The following NKD1 variants were observed in gnomAD, a reference collection of about 807,000 sequenced individuals.
The protein encoded by NKD1 is protein naked cuticle homolog 1.
NKD1 carries 21 observed loss-of-function variants against 56.0 expected under a neutral mutation model. The ratio of observed to expected loss-of-function variants is 0.38; its 90% CI spans 0.27 to 0.54. The LOEUF (loss-of-function observed/expected upper bound fraction) is 0.54, where lower values mean the gene tolerates loss of function less well. NKD1 is among the 20% of genes least tolerant of loss of function. NKD1 has a pLI of 0.82. For missense variants in NKD1, 578 were observed against 642.7 expected (o/e 0.90, Z 1.09); for synonymous variants, 263 against 265.7 (o/e 0.99, Z 0.10).
chr16:50,566,758 A>G (rs11641391), intron 3 of NKD1, among the ~76,000 whole-genome samples: 16,527 of 152,128 alleles, frequency 0.11, 1,719 homozygotes, highest in African/African-American at 0.27. Flanking sequence ...TCTTGGAAGA[A>G]CCTAGGTGGT....
chr16:50,577,429 A>G (rs564011840), intron 3 of NKD1, among the ~76,000 whole-genome samples: 93 of 152,296 alleles, frequency 6.1e-4, no homozygotes, highest in Non-Finnish European at 1.1e-3. Context: ...AACCATCACT[A>G]CCATCAAGGC....
intron 3 of NKD1, among the ~76,000 whole-genome samples, chr16:50,575,726 A>G (rs1858118021): frequency 6.6e-6 from 1 of 152,248 alleles, no homozygotes; most frequent in African/African-American, 2.4e-5. Context: ...ATGGAGACAT[A>G]TCACATAAAA....
intron 3 of NKD1, among the ~76,000 whole-genome samples, chr16:50,576,373 A>G (rs1019483307): frequency 6.6e-6 from 1 of 152,222 alleles, no homozygotes; most frequent in Non-Finnish European, 1.5e-5. Flanking sequence ...TGTAACCCCT[A>G]GTGATGGTAA....
At chr16:50,553,363 T>G (rs759193341) in intron 3 of NKD1, 1 of 152,202 alleles carries the variant, frequency 6.6e-6, no homozygotes, top group Non-Finnish European at 1.5e-5. Flanking sequence ...CAGAGCTGCC[T>G]GAAGAAATAG....
intron 3 of NKD1, among the ~76,000 whole-genome samples, chr16:50,582,488 G>C (rs1961138394): frequency 6.6e-6 from 1 of 152,192 alleles, no homozygotes; most frequent in African/African-American, 2.4e-5. Flanking sequence ...GCAGGGAGAG[G>C]AACATTGCCA....
intron 3 of NKD1, chr16:50,553,544 G>A (rs2151261740): frequency 6.6e-6 from 1 of 152,368 alleles, no homozygotes; most frequent in East Asian, 1.9e-4. Context: ...TGAGATTGGA[G>A]GCTGGCCCAG....
At position 50,641,158 on chromosome 16, in the gene NKD1, C is replaced by A. The variant is rs1962572154; in HGVS notation, c.*7377C>A. The A allele has an allele frequency of 6.6e-6, 1 of 152,450 alleles. No individual in the cohort carries two copies. 9.4% of individuals were successfully genotyped at this position (152,450 alleles called of 1,614,324 possible). On this transcript the variant is annotated 3_prime_UTR_variant, in exon 10 of 10. Transcript: ENST00000268459. ...CAACCTCCAACACTGGTCAGTAACT[C>A]CACAGAGGCCATTGGCGGGGGTGGT...
At chr16:50,578,375 G>A (rs1197058261) in intron 3 of NKD1, among the ~76,000 whole-genome samples, 1 of 152,198 alleles carries the variant, frequency 6.6e-6, no homozygotes, top group Non-Finnish European at 1.5e-5. Context: ...CACTGTGGAA[G>A]AGGAAGTAGG....
rs1596759485 is a variant in NKD1 at position 50,630,483 on chromosome 16, T to C, written c.610+150T>C. The C allele has an allele frequency of 5.4e-6, 4 of 739,702 alleles. No homozygotes were observed. In the East Asian group the frequency reaches 1.1e-4, roughly 20 times the overall value. 45.8% of individuals were successfully genotyped at this position (739,702 alleles called of 1,614,324 possible). On this transcript the variant is annotated intron_variant, in intron 7 of 9. Transcript: ENST00000268459. ...GGGTTCAAATGGGTCCTTGAAAGGG[T>C]AGGAGGAAGGGTGGGAAGGGGAGGG...
In NKD1 at chr16:50,642,845, G is replaced by C. The variant is rs751284017; in HGVS notation, c.*9064G>C. The stretch of plus-strand genomic sequence containing the variant: ...TCTGCTACACACTCAAAAAACACTT[G>C]AGGACATGACTTTTCCCTCTCAAGT... On this transcript the variant is annotated 3_prime_UTR_variant, in exon 10 of 10. Transcript: ENST00000268459. 2 of 152,230 alleles carry C rather than the reference G, an allele frequency of 1.3e-5. No homozygotes were observed. Among genetic ancestry groups the C allele is most frequent in the Non-Finnish European group, 2.9e-5 (2 of 68,054 alleles). 9.4% of individuals were successfully genotyped at this position (152,230 alleles called of 1,614,324 possible).
Position 50,630,306 on chromosome 16 carries a change from A to G in NKD1, c.583A>G (p.Lys195Glu). Residue 195 changes from lysine (K) to glutamate (E), a missense_variant, in exon 7 of 10, where the codon AAG becomes GAG. Coordinates refer to ENST00000268459, the MANE Select transcript of NKD1 (RefSeq NM_033119.5). ...LTVAPDGSQS[K>E]RSVLVNQADL... Reference sequence around the variant, plus strand: ...CGTGGCCCCCGATGGCAGCCAGAGCAAGAGGAGCGTCCTTGTCAATCAGGC... The same window carrying G: ...CGTGGCCCCCGATGGCAGCCAGAGCGAGAGGAGCGTCCTTGTCAATCAGGC... The G allele has an allele frequency of 1.2e-6, 2 of 1,614,170 alleles. No homozygotes were observed. Among genetic ancestry groups the G allele is most frequent in the Non-Finnish European group, 1.7e-6 (2 of 1,180,024 alleles).
Position 50,608,347 on chromosome 16 carries a change from C to G in NKD1, c.246C>G (p.Asp82Glu). ...CGCTCAGCGAGGAAGAGGAGGACGA[C>G]TTTCGGCTGGAAGGTATTCGGAGTC... is the stretch of plus-strand genomic sequence containing the variant. Reference protein sequence around the residue: ...RDTLSEEEEDDFRLEVALPPE... With the variant: ...RDTLSEEEEDEFRLEVALPPE... The change falls in exon 4 of 10, where the codon GAC (aspartate) becomes GAG (glutamate). Residue 82 changes from aspartate to glutamate, a missense_variant. Physicochemically the swap from Asp to Glu is conservative, Grantham distance 45. Transcript: ENST00000268459. The G allele has an allele frequency of 6.2e-7, 1 of 1,612,706 alleles. No homozygotes were observed. Among genetic ancestry groups the G allele is most frequent in the East Asian group, 2.2e-5 (1 of 44,876 alleles).
chr16:50,633,244 C>T lies in NKD1; in HGVS notation c.876C>T (p.Pro292=), dbSNP rs1962385977. The change falls in exon 10 of 10, where the codon CCC becomes CCT. Residue 292 remains proline (P), a synonymous_variant. Transcript: ENST00000268459. The surrounding 1 kb of genome is among the most constrained non-coding windows in gnomAD (Gnocchi z 4.9). The part of the protein sequence containing the change: ...KSELPPRTSN[P]TRSRSHEPEA... ...AACTGCCCCCCCGCACCTCCAATCC[C>T]ACTCGATCTCGCTCCCATGAGCCGG... 8 of 1,613,982 alleles carry T rather than the reference C, an allele frequency of 5.0e-6. No individual in the cohort carries two copies. The African/African-American group carries it at 5.3e-5, about 11-fold the overall frequency.
chr16:50,567,667 G>A (rs771558472), intron 3 of NKD1, among the ~76,000 whole-genome samples: 14 of 152,166 alleles, frequency 9.2e-5, no homozygotes, highest in South Asian at 4.1e-4. Context: ...CAGAGTCCCC[G>A]ATCTCAACTG....
In NKD1 at chr16:50,555,165, C is replaced by T. The variant is rs13334096; in HGVS notation, c.192+5610C>T. On this transcript the variant is annotated intron_variant, in intron 3 of 9. Coordinates refer to ENST00000268459, the MANE Select transcript of NKD1 (RefSeq NM_033119.5). ...GTTGGAGGTGGGGGGAAGAGCTGAC[C>T]GAGGCCCCAGGCTCAAGCTGCCCTG... Among the ~76,000 whole-genome samples, 892 of 152,146 alleles carry T rather than the reference C, an allele frequency of 5.9e-3. 7 individuals carry two copies. The highest frequency in any genetic ancestry group is 0.019 in the South Asian group (91 of 4,810).
Position 50,570,468 on chromosome 16 carries a change from G to C in NKD1, c.192+20913G>C, listed in dbSNP as rs112927590. 8.0e-3 allele frequency among the ~76,000 whole-genome samples: 1,222 copies of C among 152,330 alleles called. 7 individuals carry two copies. Among genetic ancestry groups the C allele is most frequent in the Non-Finnish European group, 0.011 (736 of 68,020 alleles). ...AAGATAATGGGAACTGAGATACACT[G>C]TACTGGCCCCAGAGATAGCCAGGAC... On this transcript the variant is annotated intron_variant, in intron 3 of 9. Transcript: ENST00000268459.
chr16:50,604,725 G>A (rs542884136), intron 3 of NKD1, among the ~76,000 whole-genome samples: 1 of 152,360 alleles, frequency 6.6e-6, no homozygotes, highest in Admixed American at 6.5e-5. Context: ...CTCTGCACAG[G>A]GGCTTCCAGT....
intron 3 of NKD1, chr16:50,558,467 AG>A (rs1960550337): frequency 6.6e-6 from 1 of 152,314 alleles, no homozygotes; most frequent in South Asian, 2.1e-4. Flanking sequence ...TAGCCCAGCC[AG>A]GGAGAGCTGG....
chr16:50,567,031 A>C (rs1960775082), intron 3 of NKD1, among the ~76,000 whole-genome samples: 1 of 145,046 alleles, frequency 6.9e-6, no homozygotes. Context: ...TTTAAGACTT[A>C]ATTGCATTAC....
Sources: allele counts gnomAD v4.1 joint callset (sites outside exome capture counted in the v4.1 genomes callset), GRCh38; gene constraint gnomAD v4.1.1; non-coding constraint Gnocchi (gnomAD v3.1); transcripts MANE v1.5; gene names NCBI Gene and HGNC (gene_info 2026-07-23, HGNC 2026-07-21).